FGL1: variants seen among roughly 807,000 people sequenced by gnomAD.
FGL1 encodes the protein fibrinogen like 1.
A neutral mutation model predicts 43.7 loss-of-function variants in FGL1; 59 were observed. That is an observed-to-expected ratio of 1.35 (90% CI 1.10 to 1.68). The LOEUF (loss-of-function observed/expected upper bound fraction) is 1.68. FGL1 is among the 40% of genes most tolerant of loss of function. The pLI, the probability that FGL1 is intolerant of heterozygous loss-of-function variation, is 0.00. For synonymous variants in FGL1, 192 were observed against 126.5 expected (o/e 1.52, Z -3.48); for missense variants, 596 against 373.0 (o/e 1.60, Z -4.92).
At chr8:17,869,574 T>C (rs117319671) in intron 5 of FGL1, among the ~76,000 whole-genome samples, 3,168 of 152,308 alleles carry the variant, frequency 0.021, 58 homozygotes, top group South Asian at 0.049. Flanking sequence ...CTAATTGTTA[T>C]CCGAAAACCT....
chr8:17,879,934 T>A (rs13281999), intron 3 of FGL1, among the ~76,000 whole-genome samples: 2 of 151,998 alleles, frequency 1.3e-5, no homozygotes, highest in African/African-American at 2.4e-5. Context: ...ACCCCAAGTC[T>A]TGGGCTTGGT....
intron 3 of FGL1, among the ~76,000 whole-genome samples, chr8:17,877,695 C>T (rs906198146): frequency 2.0e-5 from 3 of 152,020 alleles, no homozygotes; most frequent in Non-Finnish European, 4.4e-5. Context: ...TTGATAAAGG[C>T]ATGCAATGCA....
At chr8:17,889,109 C>T (rs909783148) in intron 1 of FGL1, among the ~76,000 whole-genome samples, 1 of 152,122 alleles carries the variant, frequency 6.6e-6, no homozygotes, top group Non-Finnish European at 1.5e-5. Context: ...GTAGAATGTA[C>T]CTCTGCAAGG....
At chr8:17,888,540 G>A (rs987530418) in intron 1 of FGL1, among the ~76,000 whole-genome samples, 2 of 152,100 alleles carry the variant, frequency 1.3e-5, no homozygotes, top group African/African-American at 2.4e-5. Flanking sequence ...ATTCTAAACC[G>A]AAGACATCTG....
chr8:17,868,639 G>C lies in FGL1; in HGVS notation c.688C>G (p.Gln230Glu), dbSNP rs2053307730. ...HPEVQWWASH[Q>E]RMKFSTWDRD... ...TCCCACGTGCTGAATTTCATTCTTTGGTGACTAGCCCACCACTGCACCTCA... is the reference window on the plus strand; with the variant it reads ...TCCCACGTGCTGAATTTCATTCTTTCGTGACTAGCCCACCACTGCACCTCA... Residue 230 changes from glutamine to glutamate, a missense_variant, in exon 7 of 8, where the codon CAA becomes GAA. By Grantham distance (29) the Gln-to-Glu change is conservative (BLOSUM62 2). Transcript: ENST00000427924. The C allele has an allele frequency of 6.2e-7, 1 of 1,614,014 alleles. No individual in the cohort carries two copies. The highest frequency in any genetic ancestry group is 1.6e-4 in the Middle Eastern group (1 of 6,062).
At chr8:17,875,539 T>TCTCTCTCTC (rs1563452393) in intron 3 of FGL1, among the ~76,000 whole-genome samples, 3 of 14,658 alleles carry the variant, frequency 2.0e-4, no homozygotes, top group Admixed American at 1.3e-3. Context: ...TTCTTTCTCT[T>TCTCTCTCTC]TCTTTCTTTC....
chr8:17,877,144 A>G (rs542621360), intron 3 of FGL1, among the ~76,000 whole-genome samples: 1 of 152,214 alleles, frequency 6.6e-6, no homozygotes, highest in African/African-American at 2.4e-5. Flanking sequence ...ATTTAAAACG[A>G]TGATTTTCAA....
chr8:17,871,503 C>CAA (rs1380398006), intron 5 of FGL1, among the ~76,000 whole-genome samples: 2 of 114,410 alleles, frequency 1.7e-5, no homozygotes, highest in Non-Finnish European at 1.9e-5. Flanking sequence ...AAAAAAAAAA[C>CAA]AAAAAAAAAA....
intron 1 of FGL1, among the ~76,000 whole-genome samples, chr8:17,889,175 C>G (rs575303094): frequency 1.5e-4 from 23 of 152,238 alleles, no homozygotes; most frequent in African/African-American, 5.3e-4. Context: ...GGCTATTTCC[C>G]CAAGTCTAAC....
chr8:17,882,258 C>G (rs117951932), intron 2 of FGL1, 79 bp from the exon 3 acceptor site: 29,187 of 1,316,884 alleles, frequency 0.022, 521 homozygotes, highest in Middle Eastern at 0.05. Flanking sequence ...TTGGATAAAT[C>G]AGTGATTCCA....
At chr8:17,878,469 C>T (rs575478528) in intron 3 of FGL1, among the ~76,000 whole-genome samples, 6 of 152,252 alleles carry the variant, frequency 3.9e-5, no homozygotes, top group African/African-American at 9.6e-5. Flanking sequence ...CACATGCAGA[C>T]TGGGGGCTCC....
At position 17,870,272 on chromosome 8, in the gene FGL1, A is replaced by G. The variant is rs557948337; in HGVS notation, c.503-1268T>C. 2.5e-4 allele frequency among the ~76,000 whole-genome samples: 38 copies of G among 152,328 alleles called. 1 individual carries two copies. Among genetic ancestry groups the G allele is most frequent in the Non-Finnish European group, 8.8e-5 (6 of 68,026 alleles). On this transcript the variant is annotated intron_variant, in intron 5 of 7. Coordinates refer to ENST00000427924, the MANE Select transcript of FGL1 (RefSeq NM_004467.4). ...GGCGATATAAGAGCATTATGTTTTT[A>G]AAATGATTAAAATAATTGCTACCTT...
At chr8:17,881,456 A>G (rs1199302021) in intron 3 of FGL1, among the ~76,000 whole-genome samples, 4 of 151,644 alleles carry the variant, frequency 2.6e-5, no homozygotes, top group East Asian at 1.9e-4. Context: ...TATTTAAACA[A>G]TCTATTGTCC....
chr8:17,881,018 C>T (rs1027154446), intron 3 of FGL1, among the ~76,000 whole-genome samples: 14 of 152,102 alleles, frequency 9.2e-5, no homozygotes, highest in African/African-American at 3.1e-4. Flanking sequence ...ACCTTATTTG[C>T]CACCCTAATG....
Position 17,895,476 on chromosome 8 carries a change from C to T in FGL1, c.-47G>A. The T allele has an allele frequency of 7.8e-7, 1 of 1,283,768 alleles. No homozygotes were observed. The highest frequency in any genetic ancestry group is 1.0e-6 in the Non-Finnish European group (1 of 983,728). The allele number at this position is 1,283,768 out of a possible 1,614,324, so 79.5% of individuals were successfully genotyped here. ...AGTCAGAAGTGAGTCAGAGACCCAG[C>T]TCAGGTTCCATCCAGACACTCTGCT... is the stretch of plus-strand genomic sequence containing the variant. On this transcript the variant is annotated 5_prime_UTR_variant, in exon 1 of 8. Transcript: ENST00000427924.
At chr8:17,881,211 A>T (rs970583859) in intron 3 of FGL1, among the ~76,000 whole-genome samples, 1 of 149,798 alleles carries the variant, frequency 6.7e-6, no homozygotes, top group Non-Finnish European at 1.5e-5. Context: ...ATCTTGGCTC[A>T]CTGCAACCTG....
At chr8:17,866,988 G>C (rs1295477393) in intron 7 of FGL1, among the ~76,000 whole-genome samples, 2 of 152,138 alleles carry the variant, frequency 1.3e-5, no homozygotes, top group Non-Finnish European at 2.9e-5. Flanking sequence ...CAAAGCAGGA[G>C]AGTGAAATTT....
At position 17,874,343 on chromosome 8, in the gene FGL1, T is replaced by C. The variant is rs753764266; in HGVS notation, c.404+19A>G. 1.2e-6 allele frequency: 2 copies of C among 1,608,136 alleles called. No homozygotes were observed. The highest frequency in any genetic ancestry group is 2.2e-5 in the South Asian group (2 of 90,156). On this transcript the variant is annotated intron_variant, in intron 4 of 7. Transcript: ENST00000427924. ...ACATTTGCTGCTACATATAAAGTCT[T>C]ACATCATAATTAGCACACCTGTTAA...
chr8:17,886,954 G>T (rs1452532695), intron 1 of FGL1, among the ~76,000 whole-genome samples: 1 of 152,284 alleles, frequency 6.6e-6, no homozygotes, highest in Non-Finnish European at 1.5e-5. Flanking sequence ...TGGGCTAACA[G>T]TCAGATCCTC....
Sources: allele counts gnomAD v4.1 joint callset (sites outside exome capture counted in the v4.1 genomes callset), GRCh38; gene constraint gnomAD v4.1.1; transcripts MANE v1.5; gene names NCBI Gene and HGNC (gene_info 2026-07-23, HGNC 2026-07-21).